The following LRRC8D variants were observed in gnomAD, a reference collection of about 807,000 sequenced individuals.
The protein encoded by LRRC8D is volume-regulated anion channel subunit LRRC8D.
In LRRC8D, 20 loss-of-function variants were observed where a neutral mutation model predicts 55.8. The observed-to-expected ratio is 0.36, with a 90% confidence interval of 0.25 to 0.52. The LOEUF (loss-of-function observed/expected upper bound fraction) is 0.52. Ranked by LOEUF, LRRC8D falls within the 20% of genes least tolerant of loss-of-function variation. LRRC8D has a pLI of 0.93. For synonymous variants in LRRC8D, 352 were observed against 377.0 expected (o/e 0.93, Z 0.77); for missense variants, 651 against 1,030.8 (o/e 0.63, Z 5.05).
chr1:89,914,316 G>A (rs1020421483), intron 2 of LRRC8D, among the ~76,000 whole-genome samples: 1 of 152,212 alleles, frequency 6.6e-6, no homozygotes, highest in Non-Finnish European at 1.5e-5. Context: ...ACAGCACGCA[G>A]CCTTGGTTCC....
chr1:89,935,789 G>T lies in LRRC8D; in HGVS notation c.*144G>T, dbSNP rs1056944556. On this transcript the variant is annotated 3_prime_UTR_variant, in exon 3 of 3. Coordinates refer to ENST00000337338, the MANE Select transcript of LRRC8D (RefSeq NM_001134479.2). ...AGAGAGGATGCATAGAAGGCTGATAGAAGACATAACTGAATGTTCAATGTT... is the reference window on the plus strand; with the variant it reads ...AGAGAGGATGCATAGAAGGCTGATATAAGACATAACTGAATGTTCAATGTT... 2.1e-5 allele frequency: 14 copies of T among 676,136 alleles called. No homozygotes were observed. The East Asian group carries it at 3.6e-4, about 17-fold the overall frequency. The allele number at this position is 676,136 out of a possible 1,614,324, so 41.9% of individuals were successfully genotyped here.
intron 2 of LRRC8D, among the ~76,000 whole-genome samples, chr1:89,921,520 TTTTG>T (rs71584959): frequency 0.017 from 2,512 of 152,092 alleles, 68 homozygotes; most frequent in African/African-American, 0.015. Flanking sequence ...TAAAGGTTTT[TTTTG>T]TTTGTTTGTT....
chr1:89,833,913 C>T (rs563846046), intron 1 of LRRC8D: 2 of 152,264 alleles, frequency 1.3e-5, no homozygotes, highest in East Asian at 3.9e-4. Flanking sequence ...TTGGTTTTCC[C>T]CCCTCCTACT....
In LRRC8D at chr1:89,848,495, A is replaced by T. The variant is rs186216455; in HGVS notation, c.-3+4713A>T. Among the ~76,000 whole-genome samples the T allele has an allele frequency of 1.6e-4, 24 of 152,246 alleles. No individual in the cohort carries two copies. In the East Asian group the frequency reaches 4.6e-3, roughly 29 times the overall value. On this transcript the variant is annotated intron_variant, in intron 2 of 2. Transcript: ENST00000337338. Reference sequence around the variant, plus strand: ...TTTCTGTGTGTGTTGTATTGACATGAATGTAAGTCATTCTGCTTGAGATAG... The same window carrying T: ...TTTCTGTGTGTGTTGTATTGACATGTATGTAAGTCATTCTGCTTGAGATAG...
In LRRC8D at chr1:89,935,444, G is replaced by T; in HGVS notation, c.2376G>T (p.Glu792Asp). 2.5e-6 allele frequency: 4 copies of T among 1,614,242 alleles called. No homozygotes were observed. The highest frequency in any genetic ancestry group is 3.4e-6 in the Non-Finnish European group (4 of 1,180,040). The change falls in exon 3 of 3, where the codon GAG (glutamate) becomes GAT (aspartate). Residue 792 changes from glutamate to aspartate, a missense_variant. By Grantham distance (45) the Glu-to-Asp change is conservative (BLOSUM62 2). This residue lies in a region of LRRC8D where 338 missense variants were observed against 479.4 expected (regional missense o/e 0.71). Transcript: ENST00000337338. ...AGAACTGCATCACCTCACTCCCAGAGAAAGTTGGTCAGCTCTCCCAGCTCA... is the reference window on the plus strand; with the variant it reads ...AGAACTGCATCACCTCACTCCCAGATAAAGTTGGTCAGCTCTCCCAGCTCA... ...LGQNCITSLP[E>D]KVGQLSQLTQ... is the part of the protein sequence containing the mutation.
intron 2 of LRRC8D, 48 bp downstream of exon 2, chr1:89,843,830 GGCACGGA>G (rs1238690284): frequency 1.6e-6 from 1 of 623,102 alleles, no homozygotes; most frequent in Middle Eastern, 4.2e-4. Context: ...GGAAGTCTGC[GGCACGGA>G]GCACTGCTAG....
In LRRC8D at chr1:89,935,586, C is replaced by T. The variant is rs1663830287; in HGVS notation, c.2518C>T (p.Leu840Phe). 1.2e-6 allele frequency: 2 copies of T among 1,614,018 alleles called. No homozygotes were observed. Among genetic ancestry groups the T allele is most frequent in the Non-Finnish European group, 1.7e-6 (2 of 1,180,056 alleles). Residue 840 changes from leucine to phenylalanine, a missense_variant, in exon 3 of 3, where the codon CTC becomes TTC. This residue lies in a region of LRRC8D where 338 missense variants were observed against 479.4 expected (regional missense o/e 0.71). Coordinates refer to ENST00000337338, the MANE Select transcript of LRRC8D (RefSeq NM_001134479.2). ...AGATCACCTTTTTGATACCCTGCCA[C>T]TCGAAGTCAAAGAGGCATTGAATCA... ...VEDHLFDTLP[L>F]EVKEALNQDI... is the part of the protein sequence containing the mutation.
chr1:89,908,817 G>A (rs1469925981), intron 2 of LRRC8D, among the ~76,000 whole-genome samples: 1 of 152,206 alleles, frequency 6.6e-6, no homozygotes, highest in Non-Finnish European at 1.5e-5. Context: ...TCTCAATGGG[G>A]AGTTCCTTAC....
At chr1:89,929,871 G>T (rs1344410458) in intron 2 of LRRC8D, 1 of 152,270 alleles carries the variant, frequency 6.6e-6, no homozygotes, top group African/African-American at 2.4e-5. Flanking sequence ...TGGGCTTCAC[G>T]GCAGTAGGTG....
Position 89,934,298 on chromosome 1 carries a change from A to G in LRRC8D, c.1230A>G (p.Pro410=). 1 of 1,614,086 alleles carries G rather than the reference A, an allele frequency of 6.2e-7. No individual in the cohort carries two copies. The highest frequency in any genetic ancestry group is 8.5e-7 in the Non-Finnish European group (1 of 1,179,940). The change falls in exon 3 of 3, where the codon CCA becomes CCG. Residue 410 remains proline (P), a synonymous_variant. Transcript: ENST00000337338. The surrounding 1 kb of genome is among the most constrained non-coding windows in gnomAD (Gnocchi z 5.9). ...AAGAGAGCAGTTTTAGTGACATTCC[A>G]GATGTCAAAAACGATTTTGCGTTCC... ...VREESSFSDI[P]DVKNDFAFLL... is the part of the protein sequence containing the mutation.
At chr1:89,848,763 G>A (rs1485634236) in intron 2 of LRRC8D, among the ~76,000 whole-genome samples, 5 of 151,698 alleles carry the variant, frequency 3.3e-5, no homozygotes, top group Admixed American at 3.3e-4. Context: ...GCAGTGGCGC[G>A]ATCTCGGCTC....
chr1:89,831,588 A>G (rs988393455), intron 1 of LRRC8D, among the ~76,000 whole-genome samples: 6 of 152,168 alleles, frequency 3.9e-5, no homozygotes, highest in African/African-American at 1.4e-4. Context: ...TGGGGAAGAA[A>G]GAGAAAGAAA....
intron 1 of LRRC8D, chr1:89,833,586 C>A (rs972049915): frequency 1.3e-5 from 2 of 152,208 alleles, no homozygotes; most frequent in Non-Finnish European, 2.9e-5. Flanking sequence ...TTTGTGGACT[C>A]GTGTGACCTT....
At chr1:89,910,751 G>A (rs1458458339) in intron 2 of LRRC8D, among the ~76,000 whole-genome samples, 1 of 152,134 alleles carries the variant, frequency 6.6e-6, no homozygotes, top group Non-Finnish European at 1.5e-5. Flanking sequence ...TAATACCACT[G>A]CTCAGGATGG....
intron 2 of LRRC8D, among the ~76,000 whole-genome samples, chr1:89,892,925 C>T (rs543212197): frequency 2.0e-5 from 3 of 152,336 alleles, no homozygotes; most frequent in South Asian, 4.1e-4. Flanking sequence ...TTTGAAATTA[C>T]ATGTCCTCAG....
intron 2 of LRRC8D, among the ~76,000 whole-genome samples, chr1:89,913,716 A>G (rs377016480): frequency 1.2e-4 from 18 of 152,242 alleles, no homozygotes; most frequent in African/African-American, 3.9e-4. Flanking sequence ...TCTTCGAAAT[A>G]TTTTCTGAAA....
At chr1:89,886,863 A>G (rs1018299786) in intron 2 of LRRC8D, among the ~76,000 whole-genome samples, 1 of 152,110 alleles carries the variant, frequency 6.6e-6, no homozygotes, top group African/African-American at 2.4e-5. Context: ...ATATTTTCCA[A>G]ATTTTCCTTA....
intron 2 of LRRC8D, among the ~76,000 whole-genome samples, chr1:89,916,857 T>A (rs17130929): frequency 0.023 from 3,528 of 152,290 alleles, 129 homozygotes; most frequent in African/African-American, 0.081. Flanking sequence ...GTAGGAACAT[T>A]CAATGAGCGG....
intron 2 of LRRC8D, among the ~76,000 whole-genome samples, chr1:89,922,076 T>G (rs78091805): frequency 0.043 from 6,519 of 151,956 alleles, 333 homozygotes; most frequent in African/African-American, 0.11. Flanking sequence ...ATTTTTTTTT[T>G]GGGGGAGATG....
Sources: gnomAD v4.1 joint callset for allele counts (sites outside exome capture counted in the v4.1 genomes callset) on GRCh38, gnomAD v4.1.1 for gene constraint, gnomAD v4.1.1 regional missense constraint, Gnocchi (gnomAD v3.1) non-coding constraint, MANE v1.5 for transcripts, NCBI Gene and HGNC (gene_info 2026-07-23, HGNC 2026-07-21) for gene names.